Variants in SLC35F4 observed in about 807,000 individuals in gnomAD.
SLC35F4 encodes chromosome 14 open reading frame 36.
A neutral mutation model predicts 44.2 loss-of-function variants in SLC35F4; 24 were observed. The ratio of observed to expected loss-of-function variants is 0.54; its 90% CI spans 0.39 to 0.76. The LOEUF is 0.76. Ranked by LOEUF, SLC35F4 falls within the 30% of genes least tolerant of loss-of-function variation. SLC35F4 has a pLI of 0.00. For synonymous variants in SLC35F4, 238 were observed against 223.6 expected (o/e 1.06, Z -0.57); for missense variants, 562 against 586.1 (o/e 0.96, Z 0.42).
At chr14:57,840,599 G>A (rs1885390088) in intron 1 of SLC35F4, among the ~76,000 whole-genome samples, 1 of 152,120 alleles carries the variant, frequency 6.6e-6, no homozygotes, top group South Asian at 2.1e-4. Context: ...CAAAATCTGA[G>A]TACCTCTCAT....
chr14:57,749,617 A>G (rs943529191), intron 1 of SLC35F4, among the ~76,000 whole-genome samples: 1 of 152,138 alleles, frequency 6.6e-6, no homozygotes, highest in Non-Finnish European at 1.5e-5. Flanking sequence ...TCTGCTTCCC[A>G]TTTGTCCCTG....
intron 4 of SLC35F4, 69 bp downstream of exon 4, chr14:57,581,145 C>G (rs951140720): frequency 3.5e-6 from 5 of 1,409,578 alleles, no homozygotes; most frequent in Non-Finnish European, 1.9e-6. Flanking sequence ...ACAAAGCAGA[C>G]AGGCTCTCCT....
intron 1 of SLC35F4, among the ~76,000 whole-genome samples, chr14:57,849,359 G>A (rs536571169): frequency 1.8e-4 from 28 of 152,016 alleles, no homozygotes; most frequent in African/African-American, 5.5e-4. Context: ...ATGGGGTTTC[G>A]CCATGTTGGC....
intron 1 of SLC35F4, among the ~76,000 whole-genome samples, chr14:57,615,196 C>T (rs774534220): frequency 6.6e-6 from 1 of 152,142 alleles, no homozygotes; most frequent in African/African-American, 2.4e-5. Context: ...TCCTAAGCAT[C>T]GCCATGACAA....
At chr14:57,838,631 G>C (rs1204892660) in intron 1 of SLC35F4, among the ~76,000 whole-genome samples, 2 of 152,092 alleles carry the variant, frequency 1.3e-5, no homozygotes, top group Non-Finnish European at 2.9e-5. Context: ...ACAACAATAA[G>C]AGACATGACA....
intron 1 of SLC35F4, among the ~76,000 whole-genome samples, chr14:57,619,707 A>G (rs761146904): frequency 2.0e-5 from 3 of 152,182 alleles, no homozygotes; most frequent in Non-Finnish European, 4.4e-5. Flanking sequence ...AATGGACAGA[A>G]GTAGGCTTCA....
At chr14:57,641,418 C>G (rs539754559) in intron 1 of SLC35F4, among the ~76,000 whole-genome samples, 23 of 152,014 alleles carry the variant, frequency 1.5e-4, no homozygotes, top group African/African-American at 5.5e-4. Context: ...GAGAGTTAGA[C>G]TGGATGACCC....
At chr14:57,587,990 A>G (rs1053033894) in intron 3 of SLC35F4, among the ~76,000 whole-genome samples, 1 of 152,056 alleles carries the variant, frequency 6.6e-6, no homozygotes, top group African/African-American at 2.4e-5. Context: ...GTTGAAGAGC[A>G]GTCTAGCCAA....
intron 1 of SLC35F4, among the ~76,000 whole-genome samples, chr14:57,886,965 T>C (rs951256136): frequency 6.6e-6 from 1 of 152,206 alleles, no homozygotes; most frequent in Non-Finnish European, 1.5e-5. Context: ...AGCACTATTA[T>C]TAGTTTTCTG....
intron 1 of SLC35F4, among the ~76,000 whole-genome samples, chr14:57,937,526 T>G (rs1383526283): frequency 7.9e-6 from 1 of 126,738 alleles, no homozygotes; most frequent in East Asian, 2.2e-4. Flanking sequence ...GAGGCAAAAT[T>G]ACAATAATGA....
intron 3 of SLC35F4, among the ~76,000 whole-genome samples, chr14:57,582,251 G>A (rs1157489409): frequency 3.9e-5 from 6 of 151,932 alleles, no homozygotes; most frequent in South Asian, 2.1e-4. Context: ...GCTGGAATGC[G>A]GTAGCATGAT....
At chr14:57,901,772 G>A (rs1031829897) in intron 1 of SLC35F4, among the ~76,000 whole-genome samples, 5 of 152,266 alleles carry the variant, frequency 3.3e-5, no homozygotes, top group Admixed American at 6.5e-5. Context: ...ATGCTTCCAC[G>A]TATGCTATAT....
At chr14:57,712,243 T>C (rs1186396461) in intron 1 of SLC35F4, among the ~76,000 whole-genome samples, 2 of 152,216 alleles carry the variant, frequency 1.3e-5, no homozygotes, top group Non-Finnish European at 2.9e-5. Flanking sequence ...TCCCTATTTA[T>C]CTTGAAGCCA....
intron 1 of SLC35F4, among the ~76,000 whole-genome samples, chr14:57,886,366 C>A (rs1888644962): frequency 6.6e-6 from 1 of 152,122 alleles, no homozygotes; most frequent in South Asian, 2.1e-4. Flanking sequence ...GAAGAATCTG[C>A]TTCCAAGCTC....
chr14:57,568,893 G>T (rs1052604602), intron 6 of SLC35F4, among the ~76,000 whole-genome samples: 11 of 152,158 alleles, frequency 7.2e-5, no homozygotes, highest in African/African-American at 2.7e-4. Flanking sequence ...AGAGAGGGAT[G>T]AGGGATGAGC....
chr14:57,637,148 G>A (rs986322871), intron 1 of SLC35F4, among the ~76,000 whole-genome samples: 3 of 152,112 alleles, frequency 2.0e-5, no homozygotes, highest in Non-Finnish European at 4.4e-5. Flanking sequence ...AGGAAACCAA[G>A]GCTTAGAGTG....
intron 1 of SLC35F4, among the ~76,000 whole-genome samples, chr14:57,857,652 A>C (rs1206987223): frequency 6.6e-6 from 1 of 152,082 alleles, no homozygotes; most frequent in Non-Finnish European, 1.5e-5. Context: ...TCTATGGGTG[A>C]GATAGTTTTG....
At chr14:57,596,789 G>T in intron 1 of SLC35F4, 1 of 1,367,114 alleles carries the variant, frequency 7.3e-7, no homozygotes, top group Non-Finnish European at 9.8e-7. Flanking sequence ...TTATGTCCTG[G>T]CTTCCATACC....
intron 1 of SLC35F4, among the ~76,000 whole-genome samples, chr14:57,602,884 C>T (rs1039702073): frequency 6.6e-6 from 1 of 152,126 alleles, no homozygotes; most frequent in Non-Finnish European, 1.5e-5. Context: ...AAGCTTTAAC[C>T]CCCAGTCCTG....
Sources: gnomAD v4.1 joint callset for allele counts (sites outside exome capture counted in the v4.1 genomes callset) on GRCh38, gnomAD v4.1.1 for gene constraint, MANE v1.5 for transcripts, NCBI Gene and HGNC (gene_info 2026-07-23, HGNC 2026-07-21) for gene names.